EXD1: variants seen among roughly 807,000 people sequenced by gnomAD.
The protein encoded by EXD1 is exonuclease 3'-5' domain containing 1.
EXD1 carries 63 observed loss-of-function variants against 49.1 expected under a neutral mutation model. The observed-to-expected ratio is 1.28, with a 90% confidence interval of 1.05 to 1.58. The LOEUF is 1.58. EXD1 is among the 40% of genes most tolerant of loss of function. The pLI, the probability that EXD1 is intolerant of heterozygous loss-of-function variation, is 0.00. For missense variants in EXD1, 748 were observed against 666.0 expected, an observed-to-expected ratio of 1.12 and a Z score of -1.36; for synonymous variants, 234 against 239.2, an observed-to-expected ratio of 0.98 and a Z score of 0.20.
At position 41,184,550 on chromosome 15, in the gene EXD1, T is replaced by A. The variant is rs1238866827; in HGVS notation, c.1100A>T (p.Asp367Val). ...ELPEELLQLK[D>V]FQKQRREKAA... ...TTTCTCCCTGCGCTGCTTCTGGAAGTCCTTGAGTTGAAGCAGTTCCTCTGG... is the reference window on the plus strand; with the variant it reads ...TTTCTCCCTGCGCTGCTTCTGGAAGACCTTGAGTTGAAGCAGTTCCTCTGG... Residue 367 changes from aspartate to valine, a missense_variant, in exon 12 of 12, where the codon GAC becomes GTC. By Grantham distance (152) the Asp-to-Val change is radical. Transcript: ENST00000458580. 1 of 1,607,270 alleles carries A rather than the reference T, an allele frequency of 6.2e-7. No individual in the cohort carries two copies. Among genetic ancestry groups the A allele is most frequent in the Non-Finnish European group, 8.5e-7 (1 of 1,178,280 alleles).
intron 7 of EXD1, among the ~76,000 whole-genome samples, chr15:41,206,239 G>A (rs1257232152): frequency 1.3e-5 from 2 of 152,082 alleles, no homozygotes; most frequent in African/African-American, 4.8e-5. Flanking sequence ...GGAAGCCAAG[G>A]CAGGCAGATC....
At chr15:41,203,112 CAGAA>C (rs1305988208) in intron 7 of EXD1, among the ~76,000 whole-genome samples, 1 of 151,852 alleles carries the variant, frequency 6.6e-6, no homozygotes, top group African/African-American at 2.4e-5. Context: ...GAAATACTGA[CAGAA>C]AGAAAGCAGA....
chr15:41,208,741 C>T (rs894247760), intron 7 of EXD1, among the ~76,000 whole-genome samples: 2 of 151,954 alleles, frequency 1.3e-5, no homozygotes, highest in Non-Finnish European at 2.9e-5. Context: ...CAGAGCAAGA[C>T]TTTGTCTCAA....
At chr15:41,221,277 T>A (rs28541669) in intron 2 of EXD1, among the ~76,000 whole-genome samples, 2 of 152,202 alleles carry the variant, frequency 1.3e-5, no homozygotes, top group Non-Finnish European at 2.9e-5. Flanking sequence ...TATGCTTTTT[T>A]ATTTTTTTAA....
Position 41,183,370 on chromosome 15 carries a change from A to C in EXD1, c.*561T>G, listed in dbSNP as rs2046351629. 1 of 152,202 alleles carries C rather than the reference A, an allele frequency of 6.6e-6. No homozygotes were observed. Among genetic ancestry groups the C allele is most frequent in the Admixed American group, 6.5e-5 (1 of 15,268 alleles). The allele number at this position is 152,202 out of a possible 1,614,324, so 9.4% of individuals were successfully genotyped here. A position where few individuals can be genotyped will look rare whatever the true frequency, so the allele number is the denominator to read the frequency against. ...AGACAGACAAAACATTCAACATTCAAACATAAAGTTAATATTATATTTTAA... is the reference window on the plus strand; with the variant it reads ...AGACAGACAAAACATTCAACATTCACACATAAAGTTAATATTATATTTTAA... On this transcript the variant is annotated 3_prime_UTR_variant, in exon 12 of 12. Coordinates refer to ENST00000458580, the MANE Select transcript of EXD1 (RefSeq NM_001286441.2).
chr15:41,200,416 G>A (rs12907506), intron 7 of EXD1, among the ~76,000 whole-genome samples: 9 of 152,092 alleles, frequency 5.9e-5, no homozygotes, highest in Non-Finnish European at 7.3e-5. Context: ...CCAGCTAGTC[G>A]GGAGGCTGAG....
At chr15:41,196,312 ATTTTTT>A (rs572843554) in intron 7 of EXD1, among the ~76,000 whole-genome samples, 32 of 108,112 alleles carry the variant, frequency 3.0e-4, no homozygotes, top group Non-Finnish European at 3.2e-4. Context: ...CGCCCAGCTA[ATTTTTT>A]TTTTTTTTTT....
chr15:41,223,325 C>T (rs1462722247), intron 2 of EXD1, among the ~76,000 whole-genome samples: 2 of 152,000 alleles, frequency 1.3e-5, no homozygotes, highest in Admixed American at 6.6e-5. Flanking sequence ...GAGGCTGAAG[C>T]AGGAAAATCA....
intron 9 of EXD1, 147 bp from the exon 10 acceptor site, chr15:41,191,732 T>A: frequency 2.7e-6 from 2 of 739,050 alleles, no homozygotes; most frequent in Non-Finnish European, 4.1e-6. Context: ...TTAAAGTTGT[T>A]CAGCCAACTT....
At chr15:41,205,012 T>C (rs1421068411) in intron 7 of EXD1, among the ~76,000 whole-genome samples, 1 of 152,246 alleles carries the variant, frequency 6.6e-6, no homozygotes, top group Non-Finnish European at 1.5e-5. Flanking sequence ...CATATCTTTT[T>C]GTTCAATCAT....
chr15:41,191,047 C>T (rs890805775), intron 10 of EXD1, among the ~76,000 whole-genome samples: 14 of 152,256 alleles, frequency 9.2e-5, no homozygotes, highest in African/African-American at 2.4e-4. Context: ...CCTGCCTCAG[C>T]CTCCCGAGTA....
At chr15:41,209,792 T>C (rs2140879309) in intron 6 of EXD1, among the ~76,000 whole-genome samples, 1 of 152,280 alleles carries the variant, frequency 6.6e-6, no homozygotes, top group Non-Finnish European at 1.5e-5. Context: ...TTTTTTGTTT[T>C]AGCAAAAGTG....
Position 41,217,026 on chromosome 15 carries a change from A to C in EXD1, c.260+71T>G. On this transcript the variant is annotated intron_variant, in intron 4 of 11. Transcript: ENST00000458580. ...CAAGGAATTAAGCAGCTGGTGAATT[A>C]GAGTTAAGGCTTTCTACCCTAATGT... 6 of 1,413,286 alleles carry C rather than the reference A, an allele frequency of 4.2e-6. No individual in the cohort carries two copies. The South Asian group carries it at 6.0e-5, about 14-fold the overall frequency. 87.5% of individuals were successfully genotyped at this position (1,413,286 alleles called of 1,614,324 possible).
intron 7 of EXD1, among the ~76,000 whole-genome samples, chr15:41,197,250 C>T (rs1313753540): frequency 2.2e-5 from 3 of 134,342 alleles, no homozygotes; most frequent in South Asian, 2.3e-4. Context: ...TTTTTTGAGA[C>T]GGAGTCTTGC....
chr15:41,199,805 T>C (rs1265551759), intron 7 of EXD1, among the ~76,000 whole-genome samples: 1 of 40,394 alleles, frequency 2.5e-5, no homozygotes, highest in African/African-American at 8.1e-5. Context: ...ATATATATTA[T>C]ATATGTCATA....
chr15:41,184,126 TA>T lies in EXD1; in HGVS notation c.1523del (p.Leu508TyrfsTer2). On this transcript the variant is annotated frameshift_variant, in exon 12 of 12. Transcript: ENST00000458580. LOFTEE classifies it low-confidence loss of function (END_TRUNC). ...AATCTTCCTTGTTTTCCACCATCAA[TA>T]ACTGTTCTGTCTCCTCTTTCAAAGA... ...SLSLKEETEQLLMVENKEDLK... is the reference protein window; with the variant it reads ...SLSLKEETEQXLMVENKEDLK... 1 of 1,614,230 alleles carries T rather than the reference TA, an allele frequency of 6.2e-7. No homozygotes were observed. The highest frequency in any genetic ancestry group is 1.7e-5 in the Admixed American group (1 of 60,018).
At chr15:41,220,686 A>G (rs1435545792) in intron 2 of EXD1, among the ~76,000 whole-genome samples, 1 of 152,228 alleles carries the variant, frequency 6.6e-6, no homozygotes, top group East Asian at 1.9e-4. Flanking sequence ...GGAGAAGGTT[A>G]GATGCCATGT....
Position 41,189,995 on chromosome 15 carries a change from A to G in EXD1, c.998T>C (p.Val333Ala). 1 of 1,614,050 alleles carries G rather than the reference A, an allele frequency of 6.2e-7. No homozygotes were observed. The highest frequency in any genetic ancestry group is 8.5e-7 in the Non-Finnish European group (1 of 1,180,010). ...GCGATACGTGTTTAGGTAACCATCC[A>G]CCAGGGTGGTTAGGTCAGACATCAT... ...DEMMSDLTTL[V>A]DGYLNTYREG... is the part of the protein sequence containing the mutation. Residue 333 changes from valine to alanine, a missense_variant, in exon 11 of 12, where the codon GTG becomes GCG. By Grantham distance (64) the Val-to-Ala change is moderately conservative. Coordinates refer to ENST00000458580, the MANE Select transcript of EXD1 (RefSeq NM_001286441.2).
chr15:41,190,104 G>A lies in EXD1; in HGVS notation c.889C>T (p.Arg297Ter), dbSNP rs371217636. The A allele has an allele frequency of 3.0e-5, 48 of 1,614,004 alleles. No homozygotes were observed. The highest frequency in any genetic ancestry group is 1.8e-4 in the East Asian group (8 of 44,892). ...TTCAGTAAAGAGGGTGAAACAGGTC[G>A]GATGAACCATACTTCTGGATTTTCC... ...IQENPEVWFIRPVSPSLLKIL... is the reference protein window; with the variant it reads ...IQENPEVWFI Residue 297 changes from arginine to a stop codon, truncating the protein, a stop_gained, in exon 11 of 12, where the codon CGA becomes TGA. Coordinates refer to ENST00000458580, the MANE Select transcript of EXD1 (RefSeq NM_001286441.2). LOFTEE classifies it high-confidence loss of function.
Sources: allele counts gnomAD v4.1 joint callset (sites outside exome capture counted in the v4.1 genomes callset), GRCh38; gene constraint gnomAD v4.1.1; transcripts MANE v1.5; gene names NCBI Gene and HGNC (gene_info 2026-07-23, HGNC 2026-07-21).